CAMK2D: variants seen among roughly 807,000 people sequenced by gnomAD.
CAMK2D encodes the protein calcium/calmodulin dependent protein kinase II delta.
CAMK2D carries 37 observed loss-of-function variants against 84.0 expected under a neutral mutation model. That is an observed-to-expected ratio of 0.44 (90% CI 0.34 to 0.58). CAMK2D has a LOEUF of 0.58. Ranked by LOEUF, CAMK2D falls within the 20% of genes least tolerant of loss-of-function variation. CAMK2D has a pLI of 0.02. For missense variants in CAMK2D, 448 were observed against 652.5 expected (o/e 0.69, Z 3.41); for synonymous variants, 202 against 212.5 (o/e 0.95, Z 0.43).
chr4:113,533,655 A>G (rs1167942696), intron 7 of CAMK2D, among the ~76,000 whole-genome samples: 1 of 150,792 alleles, frequency 6.6e-6, no homozygotes, highest in Non-Finnish European at 1.5e-5. Flanking sequence ...AGATCTTGGT[A>G]GTTATCTTTT....
intron 8 of CAMK2D, among the ~76,000 whole-genome samples, chr4:113,519,105 A>G (rs2098324987): frequency 6.6e-6 from 1 of 152,176 alleles, no homozygotes; most frequent in Non-Finnish European, 1.5e-5. Context: ...AGGCAAGTAG[A>G]AAAAAAGCTG....
At chr4:113,571,219 A>G (rs1036445367) in intron 4 of CAMK2D, among the ~76,000 whole-genome samples, 2 of 152,228 alleles carry the variant, frequency 1.3e-5, no homozygotes, top group African/African-American at 4.8e-5. Context: ...GCCATTATGG[A>G]AAATAGTGTG....
intron 2 of CAMK2D, among the ~76,000 whole-genome samples, chr4:113,740,813 C>T (rs1050801185): frequency 6.6e-6 from 1 of 152,156 alleles, no homozygotes; most frequent in African/African-American, 2.4e-5. Context: ...CCCTAGACTG[C>T]AAGAGTCTCC....
At position 113,625,947 on chromosome 4, in the gene CAMK2D, G is replaced by A. The variant is rs563539400; in HGVS notation, c.221-16741C>T. 2.6e-5 allele frequency among the ~76,000 whole-genome samples: 4 copies of A among 152,056 alleles called. No individual in the cohort carries two copies. The South Asian group carries it at 6.2e-4, about 24-fold the overall frequency. On this transcript the variant is annotated intron_variant, in intron 3 of 20. Coordinates refer to ENST00000511664, the MANE Select transcript of CAMK2D (RefSeq NM_001321571.2). The stretch of plus-strand genomic sequence containing the variant: ...GAGAATCGCTTGAACCCAGGAGGTG[G>A]AGGTTGTAGTGAGCCAAGATTGCAC...
intron 16 of CAMK2D, among the ~76,000 whole-genome samples, chr4:113,488,765 A>C (rs1373439979): frequency 6.6e-6 from 1 of 152,210 alleles, no homozygotes; most frequent in Non-Finnish European, 1.5e-5. Flanking sequence ...GAAAAACTTT[A>C]TTACTATAGA....
chr4:113,549,624 C>T (rs17630260), intron 5 of CAMK2D, among the ~76,000 whole-genome samples: 4,249 of 152,262 alleles, frequency 0.028, 160 homozygotes, highest in East Asian at 0.11. Context: ...ATGCAGAACA[C>T]ATCACACTGA....
At position 113,702,727 on chromosome 4, in the gene CAMK2D, G is replaced by A. The variant is rs147430733; in HGVS notation, c.161-40955C>T. Among the ~76,000 whole-genome samples the A allele has an allele frequency of 5.4e-4, 82 of 152,210 alleles. No individual in the cohort carries two copies. In the East Asian group the frequency reaches 0.015, roughly 28 times the overall value. ...AGTTCAAGATCAGCTTGGCCAACAT[G>A]GCGAAATCTCATCTCTACTAAACAT... On this transcript the variant is annotated intron_variant, in intron 2 of 20. Transcript: ENST00000511664.
At chr4:113,505,079 T>G in intron 13 of CAMK2D, 44 bp from the exon 14 acceptor site, 1 of 1,228,154 alleles carries the variant, frequency 8.1e-7, no homozygotes, top group Non-Finnish European at 1.2e-6. Context: ...CTTAAACCCC[T>G]TGGTAGCCAA....
chr4:113,530,445 A>G lies in CAMK2D; in HGVS notation c.601+771T>C, dbSNP rs559728705. ...TCAAAACGTTTTGGATTTTGGAAGCATTTTAAATTTCAGATTTTTTGATTA... is the reference window on the plus strand; with the variant it reads ...TCAAAACGTTTTGGATTTTGGAAGCGTTTTAAATTTCAGATTTTTTGATTA... On this transcript the variant is annotated intron_variant, in intron 8 of 20. Coordinates refer to ENST00000511664, the MANE Select transcript of CAMK2D (RefSeq NM_001321571.2). 4.3e-4 allele frequency among the ~76,000 whole-genome samples: 66 copies of G among 152,334 alleles called. 2 individuals are homozygous for G. Among genetic ancestry groups the G allele is most frequent in the African/African-American group, 1.6e-3 (66 of 41,574 alleles).
intron 18 of CAMK2D, among the ~76,000 whole-genome samples, chr4:113,457,806 A>G (rs1035170083): frequency 6.6e-6 from 1 of 152,162 alleles, no homozygotes; most frequent in Non-Finnish European, 1.5e-5. Context: ...TGCTCTCTGG[A>G]AATTTTGATT....
At chr4:113,617,453 AC>A (rs2099025905) in intron 3 of CAMK2D, among the ~76,000 whole-genome samples, 2 of 148,028 alleles carry the variant, frequency 1.4e-5, no homozygotes, top group African/African-American at 5.0e-5. Context: ...ACAGAGTGAT[AC>A]CCTGTCTTAA....
chr4:113,740,333 G>T (rs1316185794), intron 2 of CAMK2D, among the ~76,000 whole-genome samples: 1 of 151,900 alleles, frequency 6.6e-6, no homozygotes, highest in Non-Finnish European at 1.5e-5. Context: ...AATAAAACAT[G>T]CTATACTATG....
intron 3 of CAMK2D, among the ~76,000 whole-genome samples, chr4:113,644,525 A>G (rs973095830): frequency 1.3e-5 from 2 of 152,218 alleles, no homozygotes; most frequent in African/African-American, 2.4e-5. Context: ...GCTATTATCC[A>G]GAGCTTTATC....
Position 113,452,288 on chromosome 4 carries a change from T to C in CAMK2D, c.*2257A>G, listed in dbSNP as rs992002730. 3 of 152,168 alleles carry C rather than the reference T, an allele frequency of 2.0e-5. No homozygotes were observed. The highest frequency in any genetic ancestry group is 4.4e-5 in the Non-Finnish European group (3 of 68,044). 9.4% of individuals were successfully genotyped at this position (152,168 alleles called of 1,614,324 possible). On this transcript the variant is annotated 3_prime_UTR_variant, in exon 21 of 21. Coordinates refer to ENST00000511664, the MANE Select transcript of CAMK2D (RefSeq NM_001321571.2). ...CTCACAGAGAACAATTAACTTGCCA[T>C]TCTCACCAAGTGCAAATTGTTATGT...
At chr4:113,471,395 G>A (rs1270594757) in intron 16 of CAMK2D, among the ~76,000 whole-genome samples, 1 of 151,906 alleles carries the variant, frequency 6.6e-6, no homozygotes, top group Non-Finnish European at 1.5e-5. Context: ...ATCTTTCTAG[G>A]CTCCATGCTC....
chr4:113,752,214 A>G (rs2099618960), intron 2 of CAMK2D, among the ~76,000 whole-genome samples: 1 of 151,276 alleles, frequency 6.6e-6, no homozygotes, highest in Non-Finnish European at 1.5e-5. Flanking sequence ...GCTTATTGTT[A>G]TAAAATTAAA....
At chr4:113,583,467 C>A (rs1222544255) in intron 4 of CAMK2D, among the ~76,000 whole-genome samples, 1 of 152,156 alleles carries the variant, frequency 6.6e-6, no homozygotes, top group Non-Finnish European at 1.5e-5. Context: ...TACACTGTAG[C>A]AGCCTTATGA....
chr4:113,481,648 TTTG>T, intron 16 of CAMK2D, among the ~76,000 whole-genome samples: 1 of 152,058 alleles, frequency 6.6e-6, no homozygotes, highest in Middle Eastern at 3.4e-3. Flanking sequence ...CCTGGCTAAT[TTTG>T]TTGTATTTTT....
At chr4:113,492,479 G>A in intron 16 of CAMK2D, among the ~76,000 whole-genome samples, 1 of 152,088 alleles carries the variant, frequency 6.6e-6, no homozygotes, top group South Asian at 2.1e-4. Flanking sequence ...TCCTGAGATC[G>A]AGTTTGATTG....
Sources: gnomAD v4.1 joint callset for allele counts (sites outside exome capture counted in the v4.1 genomes callset) on GRCh38, gnomAD v4.1.1 for gene constraint, MANE v1.5 for transcripts, NCBI Gene and HGNC (gene_info 2026-07-23, HGNC 2026-07-21) for gene names.